Variants in ATRNL1 observed in about 807,000 individuals in gnomAD.
ATRNL1 encodes attractin like 1, also known as attractin-like protein 1.
A neutral mutation model predicts 182.7 loss-of-function variants in ATRNL1; 95 were observed. That is an observed-to-expected ratio of 0.52 (90% CI 0.44 to 0.62). The LOEUF (loss-of-function observed/expected upper bound fraction) is 0.62, where lower values mean the gene tolerates loss of function less well. ATRNL1 is among the 20% of genes least tolerant of loss of function. The pLI is 0.00. For synonymous variants in ATRNL1, 576 were observed against 568.3 expected (o/e 1.01, Z -0.19); for missense variants, 1,471 against 1,679.5 (o/e 0.88, Z 2.17).
At chr10:115,558,544 C>T (rs1440569507) in intron 26 of ATRNL1, among the ~76,000 whole-genome samples, 3 of 152,104 alleles carry the variant, frequency 2.0e-5, no homozygotes, top group Non-Finnish European at 2.9e-5. Flanking sequence ...GCTTTTGATC[C>T]TTTGTTACTC....
At chr10:115,264,040 G>T (rs963106847) in intron 10 of ATRNL1, among the ~76,000 whole-genome samples, 6 of 151,394 alleles carry the variant, frequency 4.0e-5, no homozygotes, top group Admixed American at 2.6e-4. Context: ...GCATATACAG[G>T]TCAACATATA....
intron 1 of ATRNL1, among the ~76,000 whole-genome samples, chr10:115,106,150 A>C (rs1162994227): frequency 2.6e-5 from 4 of 152,198 alleles, no homozygotes; most frequent in African/African-American, 7.2e-5. Context: ...TTGCATCAGC[A>C]TGACCTAGAT....
At chr10:115,816,088 G>A (rs1950158078) in intron 27 of ATRNL1, among the ~76,000 whole-genome samples, 1 of 152,100 alleles carries the variant, frequency 6.6e-6, no homozygotes, top group Non-Finnish European at 1.5e-5. Context: ...TAATGTGACA[G>A]TAGAACATAA....
At chr10:115,769,045 T>G (rs1948924985) in intron 27 of ATRNL1, among the ~76,000 whole-genome samples, 1 of 152,026 alleles carries the variant, frequency 6.6e-6, no homozygotes, top group Non-Finnish European at 1.5e-5. Context: ...TTAAGTTAGA[T>G]GAAAACAATA....
chr10:115,410,915 T>C (rs1362110816), intron 20 of ATRNL1, among the ~76,000 whole-genome samples: 3 of 151,854 alleles, frequency 2.0e-5, no homozygotes, highest in Non-Finnish European at 2.9e-5. Context: ...TTTTTGTATG[T>C]TTAGTAGAGA....
At chr10:115,854,309 T>G (rs1303965288) in intron 28 of ATRNL1, among the ~76,000 whole-genome samples, 1 of 152,186 alleles carries the variant, frequency 6.6e-6, no homozygotes, top group Non-Finnish European at 1.5e-5. Flanking sequence ...ATTCCCCCAC[T>G]TCACCTCCCC....
intron 18 of ATRNL1, among the ~76,000 whole-genome samples, chr10:115,329,263 T>C (rs1258664855): frequency 6.6e-6 from 1 of 151,772 alleles, no homozygotes; most frequent in African/African-American, 2.4e-5. Flanking sequence ...ATACTTCATA[T>C]GATTTTGATA....
chr10:115,795,742 A>G (rs1320095097), intron 27 of ATRNL1, among the ~76,000 whole-genome samples: 3 of 152,212 alleles, frequency 2.0e-5, no homozygotes, highest in Non-Finnish European at 2.9e-5. Flanking sequence ...TGCAAACTCT[A>G]TCATGAGACA....
chr10:115,399,279 GAATTC>G (rs1554956361), intron 20 of ATRNL1, among the ~76,000 whole-genome samples: 1 of 151,892 alleles, frequency 6.6e-6, no homozygotes, highest in African/African-American at 2.4e-5. Context: ...ATATCTGGTA[GAATTC>G]ATCTGTGAAC....
intron 28 of ATRNL1, among the ~76,000 whole-genome samples, chr10:115,860,739 C>G (rs1052142068): frequency 1.3e-5 from 2 of 152,124 alleles, no homozygotes; most frequent in Non-Finnish European, 2.9e-5. Context: ...TGATAACTTC[C>G]GGGACTAATT....
chr10:115,614,148 A>G (rs926311916), intron 26 of ATRNL1, among the ~76,000 whole-genome samples: 2 of 151,782 alleles, frequency 1.3e-5, no homozygotes, highest in Admixed American at 1.3e-4. Context: ...TACTTTTATG[A>G]TGTAGGTTTC....
chr10:115,593,813 G>A (rs927812349), intron 26 of ATRNL1, among the ~76,000 whole-genome samples: 1 of 151,930 alleles, frequency 6.6e-6, no homozygotes, highest in Non-Finnish European at 1.5e-5. Context: ...TAGTTTTGTT[G>A]TTTAAATTAA....
At chr10:115,711,295 C>A (rs1485750674) in intron 26 of ATRNL1, among the ~76,000 whole-genome samples, 3 of 152,048 alleles carry the variant, frequency 2.0e-5, no homozygotes, top group Non-Finnish European at 4.4e-5. Context: ...GGGTAGGCTT[C>A]CCAGATAAGA....
At chr10:115,162,991 C>T (rs1452961722) in intron 6 of ATRNL1, among the ~76,000 whole-genome samples, 1 of 147,888 alleles carries the variant, frequency 6.8e-6, no homozygotes, top group African/African-American at 2.5e-5. Context: ...GGGTTAAAAG[C>T]GTGTCTAGAG....
At chr10:115,257,688 G>A (rs1399772492) in intron 10 of ATRNL1, among the ~76,000 whole-genome samples, 5 of 152,216 alleles carry the variant, frequency 3.3e-5, no homozygotes, top group African/African-American at 1.2e-4. Flanking sequence ...AATTGATGCA[G>A]TTTCTTTGTA....
At chr10:115,422,041 A>T (rs1018180995) in intron 20 of ATRNL1, among the ~76,000 whole-genome samples, 10 of 152,196 alleles carry the variant, frequency 6.6e-5, no homozygotes, top group Admixed American at 2.0e-4. Context: ...TACAAAAGTC[A>T]ACTCAAAATG....
At chr10:115,750,281 A>G (rs1948410346) in intron 27 of ATRNL1, among the ~76,000 whole-genome samples, 1 of 151,970 alleles carries the variant, frequency 6.6e-6, no homozygotes, top group African/African-American at 2.4e-5. Flanking sequence ...GTTTAAAAGA[A>G]AGGTCTATTA....
intron 26 of ATRNL1, among the ~76,000 whole-genome samples, chr10:115,612,761 T>C (rs1029436005): frequency 1.3e-5 from 2 of 152,216 alleles, no homozygotes; most frequent in Admixed American, 1.3e-4. Context: ...ATAGTTCTTA[T>C]CATAGGCATG....
intron 18 of ATRNL1, among the ~76,000 whole-genome samples, chr10:115,334,038 C>G (rs556673537): frequency 6.6e-6 from 1 of 152,144 alleles, no homozygotes; most frequent in East Asian, 1.9e-4. Flanking sequence ...CTTTTATGTT[C>G]CAGTTCATCT....
Sources: gnomAD v4.1 joint callset for allele counts (sites outside exome capture counted in the v4.1 genomes callset) on GRCh38, gnomAD v4.1.1 for gene constraint, MANE v1.5 for transcripts, NCBI Gene and HGNC (gene_info 2026-07-23, HGNC 2026-07-21) for gene names.